The following RCAN2 variants were observed in gnomAD, a reference collection of about 807,000 sequenced individuals.
RCAN2 encodes calcipressin-2.
RCAN2 carries 9 observed loss-of-function variants against 23.6 expected under a neutral mutation model. The ratio of observed to expected loss-of-function variants is 0.38; its 90% CI spans 0.23 to 0.67. The LOEUF is 0.67. Ranked by LOEUF, RCAN2 falls within the 30% of genes least tolerant of loss-of-function variation. The pLI, the probability that RCAN2 is intolerant of heterozygous loss-of-function variation, is 0.51. For missense variants in RCAN2, 273 were observed against 302.3 expected, an observed-to-expected ratio of 0.90 and a Z score of 0.72; for synonymous variants, 109 against 115.7, an observed-to-expected ratio of 0.94 and a Z score of 0.37.
At chr6:46,299,107 G>A (rs1439646102) in intron 2 of RCAN2, among the ~76,000 whole-genome samples, 1 of 151,902 alleles carries the variant, frequency 6.6e-6, no homozygotes, top group African/African-American at 2.4e-5. Flanking sequence ...TGCTTGTGGG[G>A]GAAGAATAGG....
At chr6:46,352,804 T>C (rs1764704336) in intron 2 of RCAN2, among the ~76,000 whole-genome samples, 1 of 152,094 alleles carries the variant, frequency 6.6e-6, no homozygotes, top group Non-Finnish European at 1.5e-5. Flanking sequence ...AGGAAGAAGA[T>C]ACACAGATAA....
intron 2 of RCAN2, among the ~76,000 whole-genome samples, chr6:46,394,599 T>A (rs772157345): frequency 6.6e-6 from 1 of 152,238 alleles, no homozygotes; most frequent in Non-Finnish European, 1.5e-5. Flanking sequence ...CTTTGCATTT[T>A]AAATTTTCTC....
At chr6:46,405,097 C>G (rs1220253649) in intron 2 of RCAN2, among the ~76,000 whole-genome samples, 1 of 152,158 alleles carries the variant, frequency 6.6e-6, no homozygotes, top group Non-Finnish European at 1.5e-5. Flanking sequence ...AATGAAGCCG[C>G]GGACCCTCGC....
chr6:46,472,437 G>A (rs752249700), intron 1 of RCAN2, among the ~76,000 whole-genome samples: 1 of 152,140 alleles, frequency 6.6e-6, no homozygotes, highest in Non-Finnish European at 1.5e-5. Flanking sequence ...TTGAGCAATA[G>A]TCCCTTTGTA....
chr6:46,418,624 G>T, intron 2 of RCAN2, among the ~76,000 whole-genome samples: 1 of 151,080 alleles, frequency 6.6e-6, no homozygotes, highest in South Asian at 2.1e-4. Flanking sequence ...CACTCTGGGG[G>T]AGTGGCTTAA....
chr6:46,246,843 G>A lies in RCAN2; in HGVS notation c.476C>T (p.Pro159Leu), dbSNP rs757659395. The change falls in exon 4 of 5, where the codon CCC becomes CTC. Residue 159 changes from proline (P) to leucine (L), a missense_variant. Coordinates refer to ENST00000371374, the MANE Select transcript of RCAN2 (RefSeq NM_001251974.2). The stretch of plus-strand genomic sequence containing the variant: ...CCAGCCAACAGGTGGGGAGGAAGGG[G>A]GCGAGATGAGAAACTGTTTGGCAGG... Reference protein sequence around the residue: ...PQPAKQFLISPPSSPPVGWQP... With the variant: ...PQPAKQFLISLPSSPPVGWQP... 1.9e-5 allele frequency: 31 copies of A among 1,612,904 alleles called. No homozygotes were observed. The highest frequency in any genetic ancestry group is 2.0e-5 in the Non-Finnish European group (24 of 1,179,556).
chr6:46,257,074 T>C (rs1214501480), intron 2 of RCAN2, among the ~76,000 whole-genome samples: 2 of 152,182 alleles, frequency 1.3e-5, no homozygotes, highest in African/African-American at 4.8e-5. Flanking sequence ...TTACAGAACA[T>C]GAAACAAGCA....
chr6:46,341,620 G>A (rs1764319496), intron 2 of RCAN2, among the ~76,000 whole-genome samples: 1 of 151,906 alleles, frequency 6.6e-6, no homozygotes, highest in Non-Finnish European at 1.5e-5. Flanking sequence ...AACATGGTGA[G>A]ACCCCCATCT....
intron 2 of RCAN2, among the ~76,000 whole-genome samples, chr6:46,258,128 C>A (rs1213104663): frequency 6.6e-6 from 1 of 152,168 alleles, no homozygotes; most frequent in Non-Finnish European, 1.5e-5. Flanking sequence ...TCAGATAATA[C>A]CTACTAGAAA....
rs189753400 is a variant in RCAN2 at position 46,381,781 on chromosome 6, G to C, written c.225+74971C>G. 3.3e-5 allele frequency among the ~76,000 whole-genome samples: 5 copies of C among 152,228 alleles called. 1 individual carries two copies. Among genetic ancestry groups the C allele is most frequent in the East Asian group, 3.9e-4 (2 of 5,178 alleles). ...ACCTCGGACCAGAGGTGACAGCATA[G>C]AGCTGTCCTACTCAAGCCCTTTTTT... On this transcript the variant is annotated intron_variant, in intron 2 of 4. Coordinates refer to ENST00000371374, the MANE Select transcript of RCAN2 (RefSeq NM_001251974.2).
At chr6:46,348,512 A>G (rs908219800) in intron 2 of RCAN2, among the ~76,000 whole-genome samples, 1 of 152,040 alleles carries the variant, frequency 6.6e-6, no homozygotes, top group African/African-American at 2.4e-5. Context: ...CCCATTCCCC[A>G]AGAGCTTCCT....
At chr6:46,354,205 CTGTGTGTGTGTGTGTGTGTGTGTGTG>C (rs56237510) in intron 2 of RCAN2, among the ~76,000 whole-genome samples, 45 of 133,070 alleles carry the variant, frequency 3.4e-4, no homozygotes, top group Middle Eastern at 3.7e-3. Context: ...TGTTATTTTA[CTGTGTGTGTGTGTGTGTGTGTGTGTG>C]TGTGTGTGTG....
At chr6:46,301,400 A>G (rs1762899353) in intron 2 of RCAN2, among the ~76,000 whole-genome samples, 1 of 152,082 alleles carries the variant, frequency 6.6e-6, no homozygotes, top group African/African-American at 2.4e-5. Context: ...ACTTGGCCAG[A>G]GGTGAATGAT....
intron 2 of RCAN2, among the ~76,000 whole-genome samples, chr6:46,269,696 T>C (rs1015279484): frequency 1.3e-5 from 2 of 151,622 alleles, no homozygotes; most frequent in Non-Finnish European, 2.9e-5. Context: ...GGCCTGTGAG[T>C]GGAGGTTTTG....
intron 2 of RCAN2, among the ~76,000 whole-genome samples, chr6:46,286,216 C>T (rs987205984): frequency 3.3e-5 from 5 of 152,160 alleles, no homozygotes; most frequent in African/African-American, 1.2e-4. Flanking sequence ...TCAAACTGTT[C>T]GAATAAGGCA....
At chr6:46,344,581 T>C (rs1271080879) in intron 2 of RCAN2, among the ~76,000 whole-genome samples, 1 of 152,088 alleles carries the variant, frequency 6.6e-6, no homozygotes, top group Admixed American at 6.5e-5. Flanking sequence ...GTGGTTTGAA[T>C]GGAATTATAC....
At chr6:46,479,107 G>A (rs1768789115) in intron 1 of RCAN2, among the ~76,000 whole-genome samples, 1 of 152,154 alleles carries the variant, frequency 6.6e-6, no homozygotes, top group African/African-American at 2.4e-5. Context: ...AAATATCAAT[G>A]ACTTATCTCT....
intron 2 of RCAN2, among the ~76,000 whole-genome samples, chr6:46,400,307 G>C (rs1344043654): frequency 6.6e-6 from 1 of 152,136 alleles, no homozygotes; most frequent in African/African-American, 2.4e-5. Flanking sequence ...CCCTCCTTCA[G>C]CCTAGTTCCT....
At chr6:46,248,592 G>C in intron 3 of RCAN2, 131 bp downstream of exon 3, 1 of 700,678 alleles carries the variant, frequency 1.4e-6, no homozygotes, top group Non-Finnish European at 2.2e-6. Context: ...TCATGATGTG[G>C]GTCTATTTCT....
Sources: allele counts gnomAD v4.1 joint callset (sites outside exome capture counted in the v4.1 genomes callset), GRCh38; gene constraint gnomAD v4.1.1; transcripts MANE v1.5; gene names NCBI Gene and HGNC (gene_info 2026-07-23, HGNC 2026-07-21).